The following ANKRD42 variants were observed in gnomAD, a reference collection of about 807,000 sequenced individuals.
The protein encoded by ANKRD42 is ankyrin repeat domain-containing protein 42.
In ANKRD42, 43 loss-of-function variants were observed where a neutral mutation model predicts 51.5. The ratio of observed to expected loss-of-function variants is 0.83; its 90% CI spans 0.65 to 1.08. The LOEUF (loss-of-function observed/expected upper bound fraction) is 1.08, where lower values mean the gene tolerates loss of function less well. Among genes scored for constraint, ANKRD42 ranks in the 50% least tolerant of loss-of-function variants. The pLI is 0.00. For synonymous variants in ANKRD42, 203 were observed against 213.0 expected (o/e 0.95, Z 0.41); for missense variants, 608 against 629.3 (o/e 0.97, Z 0.36).
intron 3 of ANKRD42, among the ~76,000 whole-genome samples, chr11:83,208,082 G>T (rs1301792953): frequency 6.6e-6 from 1 of 152,126 alleles, no homozygotes; most frequent in African/African-American, 2.4e-5. Context: ...GGAGTGCAGT[G>T]CCCTGGTCAT....
chr11:83,221,275 C>A (rs1044500311), intron 5 of ANKRD42, among the ~76,000 whole-genome samples: 19 of 152,074 alleles, frequency 1.2e-4, no homozygotes, highest in African/African-American at 4.1e-4. Context: ...TTTCTGTGAT[C>A]AATTTCTGAA....
downstream of ANKRD42, chr11:83,260,004 C>CCAAA (rs771789006): frequency 1.3e-5 from 2 of 152,210 alleles, no homozygotes; most frequent in Admixed American, 1.3e-4. Flanking sequence ...TGGGCTGGTC[C>CCAAA]CAAACAGGAG....
chr11:83,196,285 G>T (rs554748715), intron 1 of ANKRD42, among the ~76,000 whole-genome samples: 2 of 152,204 alleles, frequency 1.3e-5, no homozygotes, highest in South Asian at 4.1e-4. Flanking sequence ...TCCACTGTCT[G>T]CTCAAGTCCA....
downstream of ANKRD42, among the ~76,000 whole-genome samples, chr11:83,251,195 ACT>A (rs1404616114): frequency 2.0e-5 from 3 of 151,678 alleles, no homozygotes; most frequent in East Asian, 1.9e-4. Flanking sequence ...CTGCCTGTTG[ACT>A]CTGTAAAATC....
intron 3 of ANKRD42, 96 bp downstream of exon 3, chr11:83,206,261 T>C: frequency 9.8e-7 from 1 of 1,023,024 alleles, no homozygotes; most frequent in Non-Finnish European, 1.4e-6. Flanking sequence ...ATAGATTTAG[T>C]TTTATGTTCT....
At chr11:83,216,560 G>A (rs1044118438) in intron 5 of ANKRD42, among the ~76,000 whole-genome samples, 2 of 151,794 alleles carry the variant, frequency 1.3e-5, no homozygotes, top group South Asian at 2.1e-4. Context: ...TCCTGACCTC[G>A]TGGTCCGCCC....
intron 4 of ANKRD42, 99 bp from the exon 5 acceptor site, chr11:83,211,196 G>T: frequency 6.7e-7 from 1 of 1,487,650 alleles, no homozygotes; most frequent in Non-Finnish European, 9.3e-7. Context: ...CTTGTATTAA[G>T]AACAGCCTCC....
chr11:83,254,141 AATTTTTTTGT>A (rs1168857903), intron 11 of ANKRD42, among the ~76,000 whole-genome samples: 1 of 151,390 alleles, frequency 6.6e-6, no homozygotes, highest in Non-Finnish European at 1.5e-5. Flanking sequence ...TGCCCAGCTA[AATTTTTTTGT>A]ATTTTTTTGT....
intron 5 of ANKRD42, among the ~76,000 whole-genome samples, chr11:83,218,097 A>C (rs1041836018): frequency 2.6e-5 from 4 of 152,194 alleles, no homozygotes; most frequent in African/African-American, 9.6e-5. Context: ...GGGAATCTGG[A>C]GTTAGGGAGG....
chr11:83,202,471 G>A (rs1475238723), intron 2 of ANKRD42, among the ~76,000 whole-genome samples: 2 of 152,128 alleles, frequency 1.3e-5, no homozygotes, highest in African/African-American at 4.8e-5. Context: ...TTAGCTCTAC[G>A]GGCTCTTTTT....
chr11:83,199,426 T>C (rs1565174418), intron 2 of ANKRD42, among the ~76,000 whole-genome samples: 1 of 152,228 alleles, frequency 6.6e-6, no homozygotes, highest in Non-Finnish European at 1.5e-5. Context: ...CAATATGTTT[T>C]TGAGTTTTAT....
At position 83,240,946 on chromosome 11, in the gene ANKRD42, G is replaced by C; in HGVS notation, c.1195+12G>C. The C allele has an allele frequency of 6.2e-7, 1 of 1,603,540 alleles. No homozygotes were observed. The highest frequency in any genetic ancestry group is 2.2e-5 in the East Asian group (1 of 44,662). On this transcript the variant is annotated intron_variant, in intron 9 of 10. Coordinates refer to ENST00000533342, the MANE Select transcript of ANKRD42 (RefSeq NM_001300975.2). ...AACAGATGCCAGAAGTAAGTATGCT[G>C]CCTCTGTTGTGATTTATCCTTTCAG...
chr11:83,228,221 C>T, intron 7 of ANKRD42, among the ~76,000 whole-genome samples: 1 of 47,338 alleles, frequency 2.1e-5, no homozygotes, highest in South Asian at 7.0e-4. Context: ...GAAATCATCC[C>T]TCTCTCTCTC....
intron 9 of ANKRD42, among the ~76,000 whole-genome samples, chr11:83,241,278 T>C (rs1377133228): frequency 1.3e-5 from 2 of 152,178 alleles, no homozygotes; most frequent in Non-Finnish European, 2.9e-5. Context: ...CAACAAATAT[T>C]TATTGTCTAC....
At chr11:83,205,969 C>A in intron 2 of ANKRD42, 89 bp from the exon 3 acceptor site, 1 of 1,066,668 alleles carries the variant, frequency 9.4e-7, no homozygotes, top group South Asian at 1.4e-5. Context: ...TCACTACAGT[C>A]TGCTATTTTA....
intron 5 of ANKRD42, chr11:83,213,259 G>A: frequency 6.3e-7 from 1 of 1,597,616 alleles, no homozygotes; most frequent in Admixed American, 1.7e-5. Context: ...TCAAGGAGCT[G>A]GAAGTGCTGC....
downstream of ANKRD42, among the ~76,000 whole-genome samples, chr11:83,257,937 C>T (rs1420704450): frequency 1.3e-5 from 2 of 152,204 alleles, no homozygotes; most frequent in African/African-American, 4.8e-5. Context: ...GAACTAACTT[C>T]CCAGCTTGCC....
At chr11:83,200,546 C>T (rs926284107) in intron 2 of ANKRD42, among the ~76,000 whole-genome samples, 1 of 152,168 alleles carries the variant, frequency 6.6e-6, no homozygotes, top group Non-Finnish European at 1.5e-5. Context: ...AATCAAAACA[C>T]ATTATCAGCA....
intron 3 of ANKRD42, among the ~76,000 whole-genome samples, chr11:83,207,312 A>G (rs1312076836): frequency 1.3e-5 from 2 of 152,238 alleles, no homozygotes; most frequent in Non-Finnish European, 2.9e-5. Context: ...GGGGGAACAC[A>G]GCCAATGTAC....
Sources: gnomAD v4.1 joint callset for allele counts (sites outside exome capture counted in the v4.1 genomes callset) on GRCh38, gnomAD v4.1.1 for gene constraint, MANE v1.5 for transcripts, NCBI Gene and HGNC (gene_info 2026-07-23, HGNC 2026-07-21) for gene names.